Variants in PDE10A observed in about 807,000 individuals in gnomAD.
The protein encoded by PDE10A is phosphodiesterase 10A, also known as cAMP and cAMP-inhibited cGMP 3',5'-cyclic phosphodiesterase 10A.
Under a neutral mutation model 97.7 loss-of-function variants are expected in PDE10A, and 39 were observed. The ratio of observed to expected loss-of-function variants is 0.40; its 90% CI spans 0.31 to 0.52. PDE10A has a LOEUF of 0.52. Among genes scored for constraint, PDE10A ranks in the 20% least tolerant of loss-of-function variants. The pLI, the probability that PDE10A is intolerant of heterozygous loss-of-function variation, is 0.56. For synonymous variants in PDE10A, 371 were observed against 376.8 expected, an observed-to-expected ratio of 0.98 and a Z score of 0.18; for missense variants, 731 against 1,047.8, an observed-to-expected ratio of 0.70 and a Z score of 4.17.
chr6:165,597,855 A>T (rs902230734), intron 1 of PDE10A, among the ~76,000 whole-genome samples: 1 of 152,230 alleles, frequency 6.6e-6, no homozygotes, highest in Non-Finnish European at 1.5e-5. Context: ...TTGTAAATGG[A>T]AGGTAACAGA....
At chr6:165,941,828 A>G (rs1783533461) in intron 1 of PDE10A, among the ~76,000 whole-genome samples, 1 of 152,168 alleles carries the variant, frequency 6.6e-6, no homozygotes, top group Non-Finnish European at 1.5e-5. Flanking sequence ...GTGTTTCTTT[A>G]TAACAATGGA....
intron 1 of PDE10A, among the ~76,000 whole-genome samples, chr6:165,751,388 G>A (rs1187967434): frequency 3.3e-5 from 5 of 152,204 alleles, no homozygotes; most frequent in East Asian, 3.9e-4. Context: ...CTCTGTAGGT[G>A]TGAGCTGGAA....
At position 165,671,286 on chromosome 6, in the gene PDE10A, C is replaced by T. The variant is rs1790641409; in HGVS notation, c.-614-127718G>A. ...CTTGATTAAGCTTTTCTAACCCTCT[C>T]CCTGAAACAGGTAAACTTGGTAATT... On this transcript the variant is annotated intron_variant, in intron 1 of 19. Coordinates refer to the PDE10A transcript ENST00000366882. The surrounding 1 kb of genome is among the most constrained non-coding windows in gnomAD (Gnocchi z 4.6). Among the ~76,000 whole-genome samples, 1 of 152,108 alleles carries T rather than the reference C, an allele frequency of 6.6e-6. No individual in the cohort carries two copies. Among genetic ancestry groups the T allele is most frequent in the Admixed American group, 6.5e-5 (1 of 15,270 alleles).
In PDE10A at chr6:165,623,003, C is replaced by A. The variant is rs955573419; in HGVS notation, c.865+38944G>T. Among the ~76,000 whole-genome samples the A allele has an allele frequency of 6.6e-5, 10 of 152,156 alleles. No individual in the cohort carries two copies. In the East Asian group the frequency reaches 1.7e-3, roughly 26 times the overall value. On this transcript the variant is annotated intron_variant, in intron 1 of 21. Transcript: ENST00000539869. ...CTCTTGCAGGTGACGCACCTGCTCC[C>A]GCTTCACCTTCTGCCATGAGTGTAA...
intron 1 of PDE10A, among the ~76,000 whole-genome samples, chr6:165,555,496 G>A (rs1283796554): frequency 6.6e-6 from 1 of 152,072 alleles, no homozygotes; most frequent in Non-Finnish European, 1.5e-5. Context: ...CATCAAAACA[G>A]TAGCACCATT....
At chr6:165,913,552 A>G (rs1782522532) in intron 1 of PDE10A, among the ~76,000 whole-genome samples, 1 of 152,136 alleles carries the variant, frequency 6.6e-6, no homozygotes, top group African/African-American at 2.4e-5. Context: ...TGTTGTTATT[A>G]TTATTATTTT....
intron 21 of PDE10A, 133 bp downstream of exon 21, chr6:165,335,990 G>A (rs917343219): frequency 5.2e-5 from 39 of 743,186 alleles, no homozygotes; most frequent in Admixed American, 3.9e-4. Flanking sequence ...AGGAGGCCCC[G>A]AGTCCCTGAG....
At chr6:165,658,110 C>G (rs143789045) in intron 1 of PDE10A, among the ~76,000 whole-genome samples, 1 of 152,198 alleles carries the variant, frequency 6.6e-6, no homozygotes, top group East Asian at 1.9e-4. Flanking sequence ...CTCAGTCTCC[C>G]TGAGCCCACA....
intron 20 of PDE10A, among the ~76,000 whole-genome samples, chr6:165,337,628 T>C (rs1033445503): frequency 9.8e-5 from 15 of 152,336 alleles, no homozygotes; most frequent in Non-Finnish European, 1.6e-4. Flanking sequence ...TCATCAACTA[T>C]TTAGAAGCAA....
intron 1 of PDE10A, among the ~76,000 whole-genome samples, chr6:165,903,921 T>C (rs1355211306): frequency 6.6e-6 from 1 of 152,238 alleles, no homozygotes; most frequent in East Asian, 1.9e-4. Flanking sequence ...CCAATGGATT[T>C]AGCAAGAAGG....
intron 3 of PDE10A, among the ~76,000 whole-genome samples, chr6:165,464,764 T>G (rs1778536628): frequency 6.6e-6 from 1 of 152,224 alleles, no homozygotes; most frequent in African/African-American, 2.4e-5. Flanking sequence ...CAATATGTAC[T>G]CTTTTGAACC....
At chr6:165,427,833 A>C (rs1789277328) in intron 10 of PDE10A, among the ~76,000 whole-genome samples, 1 of 152,118 alleles carries the variant, frequency 6.6e-6, no homozygotes, top group Non-Finnish European at 1.5e-5. Context: ...AAGTTATTTT[A>C]ATGTACAATT....
intron 1 of PDE10A, chr6:165,659,986 A>C (rs1046890704): frequency 6.6e-6 from 1 of 152,426 alleles, no homozygotes; most frequent in Non-Finnish European, 1.5e-5. Flanking sequence ...CCCGTGCCTC[A>C]GTAGCACCAC....
intron 1 of PDE10A, among the ~76,000 whole-genome samples, chr6:165,750,593 C>T (rs1369549137): frequency 6.6e-6 from 1 of 152,210 alleles, no homozygotes; most frequent in African/African-American, 2.4e-5. Flanking sequence ...TCCACAGAGA[C>T]CACAGTTTTT....
At chr6:165,407,304 C>A (rs1199555629) in intron 13 of PDE10A, among the ~76,000 whole-genome samples, 1 of 152,146 alleles carries the variant, frequency 6.6e-6, no homozygotes, top group African/African-American at 2.4e-5. Flanking sequence ...GGGGACCAGT[C>A]TGCATGCATT....
chr6:165,673,417 G>T lies in PDE10A; in HGVS notation c.-614-129849C>A, dbSNP rs138324942. Among the ~76,000 whole-genome samples, 570 of 152,340 alleles carry T rather than the reference G, an allele frequency of 3.7e-3. 9 individuals are homozygous for T. The Middle Eastern group carries it at 0.051, about 14-fold the overall frequency. On this transcript the variant is annotated intron_variant, in intron 1 of 19. Coordinates refer to the PDE10A transcript ENST00000366882. ...TTTAATTGTTTTATTTTGTGTCACA[G>T]CAGATTTGGATTTATTGTAGCTTCT... is the stretch of plus-strand genomic sequence containing the variant.
At chr6:165,693,126 ATG>A (rs1791348991) in intron 1 of PDE10A, among the ~76,000 whole-genome samples, 1 of 152,192 alleles carries the variant, frequency 6.6e-6, no homozygotes, top group African/African-American at 2.4e-5. Context: ...CATTTCCTGG[ATG>A]TAGTGATTTG....
chr6:165,755,452 C>T (rs992617143), intron 1 of PDE10A, among the ~76,000 whole-genome samples: 4 of 152,190 alleles, frequency 2.6e-5, no homozygotes, highest in Admixed American at 2.6e-4. Flanking sequence ...GCGAATTTCT[C>T]CCTGTCCCTG....
chr6:165,759,141 T>G (rs1017200302), intron 1 of PDE10A, among the ~76,000 whole-genome samples: 4 of 152,148 alleles, frequency 2.6e-5, no homozygotes, highest in African/African-American at 7.2e-5. Flanking sequence ...ACAGTTTTTT[T>G]GAGATAATAT....
Sources: allele counts gnomAD v4.1 joint callset (sites outside exome capture counted in the v4.1 genomes callset), GRCh38; gene constraint gnomAD v4.1.1; non-coding constraint Gnocchi (gnomAD v3.1); transcripts MANE v1.5; gene names NCBI Gene and HGNC (gene_info 2026-07-23, HGNC 2026-07-21).